CRYL1: variants seen among roughly 807,000 people sequenced by gnomAD.
The protein encoded by CRYL1 is crystallin lambda 1.
Under a neutral mutation model 36.6 loss-of-function variants are expected in CRYL1, and 29 were observed. The observed-to-expected ratio is 0.79, with a 90% CI of 0.59 to 1.08. The LOEUF (loss-of-function observed/expected upper bound fraction) is 1.08. Ranked by LOEUF, CRYL1 falls within the 50% of genes least tolerant of loss-of-function variation. The pLI is 0.00. For synonymous variants in CRYL1, 152 were observed against 151.5 expected, an observed-to-expected ratio of 1.00 and a Z score of -0.02; for missense variants, 411 against 407.9, an observed-to-expected ratio of 1.01 and a Z score of -0.06.
At chr13:20,460,767 T>C (rs1289727064) in intron 3 of CRYL1, among the ~76,000 whole-genome samples, 4 of 152,100 alleles carry the variant, frequency 2.6e-5, no homozygotes, top group Non-Finnish European at 4.4e-5. Context: ...CATCGTGATC[T>C]GCCCGTCTCC....
chr13:20,515,246 A>C (rs1403333406), intron 1 of CRYL1, among the ~76,000 whole-genome samples: 1 of 152,206 alleles, frequency 6.6e-6, no homozygotes, highest in East Asian at 1.9e-4. Flanking sequence ...AGCATGTTGT[A>C]AAATTGATTG....
chr13:20,491,652 G>A (rs759574434), intron 2 of CRYL1, among the ~76,000 whole-genome samples: 3 of 152,132 alleles, frequency 2.0e-5, no homozygotes, highest in South Asian at 2.1e-4. Context: ...CTAGCTGGGC[G>A]TGATGGTGCA....
chr13:20,451,958 A>G (rs960815289), intron 3 of CRYL1, among the ~76,000 whole-genome samples: 3 of 152,204 alleles, frequency 2.0e-5, no homozygotes, highest in Non-Finnish European at 4.4e-5. Context: ...TGTTGAAAAA[A>G]AAGAAGAAAA....
At chr13:20,433,755 A>G (rs1212078534) in intron 4 of CRYL1, 3 of 154,386 alleles carry the variant, frequency 1.9e-5, no homozygotes, top group African/African-American at 7.2e-5. Context: ...TCTTTCAAAC[A>G]TTGTAAGCCT....
intron 3 of CRYL1, among the ~76,000 whole-genome samples, chr13:20,472,064 T>C (rs1394880987): frequency 6.6e-6 from 1 of 152,122 alleles, no homozygotes; most frequent in Non-Finnish European, 1.5e-5. Flanking sequence ...TTTCGCCATA[T>C]TGACCAGGCT....
Position 20,420,624 on chromosome 13 carries a change from G to A in CRYL1, c.634-7237C>T, listed in dbSNP as rs1044126885. 2.6e-5 allele frequency among the ~76,000 whole-genome samples: 4 copies of A among 151,230 alleles called. 1 individual carries two copies. Among genetic ancestry groups the A allele is most frequent in the Middle Eastern group, 6.9e-3 (2 of 288 alleles). On this transcript the variant is annotated intron_variant, in intron 5 of 7. Coordinates refer to ENST00000298248, the MANE Select transcript of CRYL1 (RefSeq NM_015974.3). ...TAATAGAGACTAGACAGGAACAAAGGAAAATGAAAGCAATTGACTTAGGGT... is the reference window on the plus strand; with the variant it reads ...TAATAGAGACTAGACAGGAACAAAGAAAAATGAAAGCAATTGACTTAGGGT...
intron 6 of CRYL1, among the ~76,000 whole-genome samples, chr13:20,407,130 A>T (rs2031398045): frequency 6.6e-6 from 1 of 150,898 alleles, no homozygotes; most frequent in Non-Finnish European, 1.5e-5. Context: ...TCATGCTGGA[A>T]TTCATAATAG....
chr13:20,437,872 C>A (rs969192860), intron 4 of CRYL1, among the ~76,000 whole-genome samples: 4 of 152,270 alleles, frequency 2.6e-5, no homozygotes, highest in East Asian at 3.9e-4. Context: ...AACTTAGAAG[C>A]AAGAACATGG....
intron 2 of CRYL1, among the ~76,000 whole-genome samples, chr13:20,498,263 CCCATATACACACTACACACACA>C (rs1465186011): frequency 1.3e-5 from 2 of 151,120 alleles, no homozygotes; most frequent in African/African-American, 4.9e-5. Flanking sequence ...CTACACACAC[CCCATATACACACTACACACACA>C]CCACCATACA....
At chr13:20,436,442 C>T (rs1257241702) in intron 4 of CRYL1, among the ~76,000 whole-genome samples, 1 of 152,230 alleles carries the variant, frequency 6.6e-6, no homozygotes, top group African/African-American at 2.4e-5. Context: ...CCACAGGCCC[C>T]AGCCGTCACA....
chr13:20,457,437 A>G (rs2032715449), intron 3 of CRYL1, among the ~76,000 whole-genome samples: 1 of 152,188 alleles, frequency 6.6e-6, no homozygotes, highest in Non-Finnish European at 1.5e-5. Flanking sequence ...CTAATAATTA[A>G]TGAGACTTCA....
intron 1 of CRYL1, among the ~76,000 whole-genome samples, chr13:20,514,140 G>A (rs553096895): frequency 6.6e-6 from 1 of 152,170 alleles, no homozygotes; most frequent in African/African-American, 2.4e-5. Flanking sequence ...CCTTAGGCAG[G>A]TAGGGCATCA....
chr13:20,508,888 A>AAAAAAT (rs2033860766), intron 2 of CRYL1, among the ~76,000 whole-genome samples: 1 of 129,388 alleles, frequency 7.7e-6, no homozygotes, highest in African/African-American at 2.9e-5. Context: ...AAAAAAAAAA[A>AAAAAAT]CTGACAACAA....
At chr13:20,407,711 C>T (rs1463826683) in intron 6 of CRYL1, among the ~76,000 whole-genome samples, 1 of 152,098 alleles carries the variant, frequency 6.6e-6, no homozygotes, top group Admixed American at 6.5e-5. Flanking sequence ...AGATTCTGAA[C>T]CTAATTTCTT....
rs535017353 is a variant in CRYL1, at chr13:20,415,843, T to A, written c.634-2456A>T. ...CTAATCTTCCTGTAAGTGGAATCAC[T>A]GAGCGCGCGTTCTTTCGTGACTTGT... On this transcript the variant is annotated intron_variant, in intron 5 of 7. Coordinates refer to ENST00000298248, the MANE Select transcript of CRYL1 (RefSeq NM_015974.3). The surrounding 1 kb of genome is among the most constrained non-coding windows in gnomAD (Gnocchi z 4.1). Among the ~76,000 whole-genome samples the A allele has an allele frequency of 6.6e-6, 1 of 152,318 alleles. No individual in the cohort carries two copies. The highest frequency in any genetic ancestry group is 1.9e-4 in the East Asian group (1 of 5,190).
At chr13:20,499,975 G>C (rs2137489295) in intron 2 of CRYL1, among the ~76,000 whole-genome samples, 1 of 152,040 alleles carries the variant, frequency 6.6e-6, no homozygotes, top group Admixed American at 6.5e-5. Flanking sequence ...TTGTTTCTTT[G>C]GGGGGAGTTC....
intron 1 of CRYL1, among the ~76,000 whole-genome samples, chr13:20,517,368 G>A (rs906164599): frequency 1.3e-5 from 2 of 151,922 alleles, no homozygotes; most frequent in Non-Finnish European, 2.9e-5. Context: ...ACCGAGGCAG[G>A]TGGATCATCT....
chr13:20,511,146 G>A (rs1455882120), intron 2 of CRYL1, among the ~76,000 whole-genome samples: 1 of 152,096 alleles, frequency 6.6e-6, no homozygotes, highest in Non-Finnish European at 1.5e-5. Context: ...GTACAGTGGT[G>A]CAATCATAGC....
At chr13:20,416,939 C>A (rs2031683908) in intron 5 of CRYL1, among the ~76,000 whole-genome samples, 1 of 152,202 alleles carries the variant, frequency 6.6e-6, no homozygotes, top group African/African-American at 2.4e-5. Flanking sequence ...CCATCAGTCA[C>A]TATTCACCAG....
Sources: gnomAD v4.1 joint callset for allele counts (sites outside exome capture counted in the v4.1 genomes callset) on GRCh38, gnomAD v4.1.1 for gene constraint, Gnocchi (gnomAD v3.1) non-coding constraint, MANE v1.5 for transcripts, NCBI Gene and HGNC (gene_info 2026-07-23, HGNC 2026-07-21) for gene names.